Variants in BAIAP2L2 observed in about 807,000 individuals in gnomAD.
BAIAP2L2 encodes the protein BAR/IMD domain-containing adapter protein 2-like 2.
In BAIAP2L2, 65 loss-of-function variants were observed where a neutral mutation model predicts 60.4. The observed-to-expected ratio is 1.08, with a 90% CI of 0.88 to 1.32. BAIAP2L2 has a LOEUF of 1.32. Among genes scored for constraint, BAIAP2L2 ranks in the 40% most tolerant of loss-of-function variants. BAIAP2L2 has a pLI of 0.00. For synonymous variants in BAIAP2L2, 344 were observed against 301.7 expected (o/e 1.14, Z -1.45); for missense variants, 836 against 741.2 (o/e 1.13, Z -1.48).
In BAIAP2L2 at chr22:38,089,687, G is replaced by A; in HGVS notation, c.613-13C>T. On this transcript the variant is annotated splice_polypyrimidine_tract_variant and intron_variant, in intron 7 of 13. Transcript: ENST00000381669. ...GCATCCCCCGGGCCTGGCCGGGCGG[G>A]GACACGGGGGTCAGCCAGGTCCGGG... 8.1e-7 allele frequency: 1 copy of A among 1,229,560 alleles called. No homozygotes were observed. 76.2% of individuals were successfully genotyped at this position (1,229,560 alleles called of 1,614,324 possible). A position where few individuals can be genotyped will look rare whatever the true frequency, so the allele number is the denominator to read the frequency against.
intron 7 of BAIAP2L2, 31 bp from the exon 8 acceptor site, chr22:38,089,705 G>C (rs1336336498): frequency 2.4e-6 from 3 of 1,227,312 alleles, no homozygotes; most frequent in Non-Finnish European, 3.0e-6. Context: ...GGGTCAGCCA[G>C]GTCCGGGCGG....
At chr22:38,091,241 A>G (rs1569220961) in intron 7 of BAIAP2L2, 2 of 152,230 alleles carry the variant, frequency 1.3e-5, no homozygotes, top group Admixed American at 6.5e-5. Flanking sequence ...TATTTTTAGT[A>G]GAGACAGGGT....
chr22:38,084,956 G>A lies in BAIAP2L2; in HGVS notation c.*344C>T, dbSNP rs1166635262. ...TACAAAAGATGTACAGAGAGGGCAT[G>A]TGTTGGGCACGGAGCAGGTACAAGG... On this transcript the variant is annotated 3_prime_UTR_variant, in exon 14 of 14. Transcript: ENST00000381669. 3 of 267,032 alleles carry A rather than the reference G, an allele frequency of 1.1e-5. No individual in the cohort carries two copies. In the East Asian group the frequency reaches 2.7e-4, roughly 24 times the overall value. The allele number at this position is 267,032 out of a possible 1,614,324, so 16.5% of individuals were successfully genotyped here.
chr22:38,090,081 T>G (rs2086246988), intron 7 of BAIAP2L2: 2 of 151,740 alleles, frequency 1.3e-5, no homozygotes, highest in South Asian at 2.2e-4. Context: ...ACTTACCCAG[T>G]AACACTATGG....
intron 7 of BAIAP2L2, chr22:38,091,289 C>T (rs2145966448): frequency 6.6e-6 from 1 of 152,344 alleles, no homozygotes; most frequent in African/African-American, 2.4e-5. Context: ...AAGTCCTCAA[C>T]TCGTGATCCA....
At chr22:38,102,530 A>G (rs1295319953) in intron 4 of BAIAP2L2, among the ~76,000 whole-genome samples, 1 of 152,156 alleles carries the variant, frequency 6.6e-6, no homozygotes, top group East Asian at 1.9e-4. Context: ...ATAGAAAGTT[A>G]TTATTAGAAA....
At chr22:38,104,440 G>T (rs1324765946) in intron 4 of BAIAP2L2, among the ~76,000 whole-genome samples, 1 of 151,650 alleles carries the variant, frequency 6.6e-6, no homozygotes, top group Non-Finnish European at 1.5e-5. Flanking sequence ...CAGACAAAGT[G>T]TAAGGAAAAG....
At position 38,097,170 on chromosome 22, in the gene BAIAP2L2, C is replaced by T; in HGVS notation, c.474G>A (p.Val158=). 1 of 1,613,400 alleles carries T rather than the reference C, an allele frequency of 6.2e-7. No homozygotes were observed. The highest frequency in any genetic ancestry group is 8.5e-7 in the Non-Finnish European group (1 of 1,179,914). ...CCTGCATCTGTGCGTGCAGCCGGTT[C>T]ACACTCTCCTGGGGGGGAACGGGAG... ...DKNVREMKES[V]NRLHAQMQAF... is the part of the protein sequence containing the mutation. The change falls in exon 7 of 14, where the codon GTG becomes GTA. Residue 158 remains valine, a synonymous_variant. Coordinates refer to ENST00000381669, the MANE Select transcript of BAIAP2L2 (RefSeq NM_025045.6).
At chr22:38,101,892 C>T (rs78239176) in intron 4 of BAIAP2L2, among the ~76,000 whole-genome samples, 2 of 150,826 alleles carry the variant, frequency 1.3e-5, no homozygotes, top group East Asian at 3.9e-4. Flanking sequence ...CAAACAAAAC[C>T]ACCAAAAGAA....
At chr22:38,091,425 A>AG (rs1569221097) in intron 7 of BAIAP2L2, 1 of 152,340 alleles carries the variant, frequency 6.6e-6, no homozygotes, top group Non-Finnish European at 1.5e-5. Flanking sequence ...TAAATGCTTG[A>AG]GGGGATGGAT....
chr22:38,108,480 A>C (rs1006060986), intron 2 of BAIAP2L2, 139 bp from the exon 3 acceptor site: 2 of 651,570 alleles, frequency 3.1e-6, no homozygotes, highest in Non-Finnish European at 5.3e-6. Flanking sequence ...GGGTGTGACC[A>C]GTTGAGCTGT....
rs2086701102 is a variant in BAIAP2L2 at position 38,107,981 on chromosome 22, C to T, written c.215-68G>A. 3.7e-6 allele frequency: 5 copies of T among 1,365,600 alleles called. No individual in the cohort carries two copies. In the East Asian group the frequency reaches 1.2e-4, roughly 34 times the overall value. The allele number at this position is 1,365,600 out of a possible 1,614,324, so 84.6% of individuals were successfully genotyped here. ...TGCCCCGCCCACCCACCACCCTCTT[C>T]CGCTGAAAGCCAACAGAGGGCCTGC... is the stretch of plus-strand genomic sequence containing the variant. On this transcript the variant is annotated intron_variant, in intron 3 of 13. Transcript: ENST00000381669.
At chr22:38,095,718 G>A (rs1215188891) in intron 7 of BAIAP2L2, among the ~76,000 whole-genome samples, 5 of 152,058 alleles carry the variant, frequency 3.3e-5, no homozygotes, top group South Asian at 2.1e-4. Context: ...TTGGCGGAGC[G>A]ATGGACTGAA....
chr22:38,105,450 C>T (rs1182050269), intron 4 of BAIAP2L2, among the ~76,000 whole-genome samples: 2 of 151,538 alleles, frequency 1.3e-5, no homozygotes, highest in Non-Finnish European at 2.9e-5. Context: ...AGCGATTCTC[C>T]TGCCTCAGCC....
chr22:38,108,084 C>G (rs925102314), intron 3 of BAIAP2L2, among the ~76,000 whole-genome samples, 171 bp from the exon 4 acceptor site: 2 of 152,208 alleles, frequency 1.3e-5, no homozygotes, highest in African/African-American at 4.8e-5. Flanking sequence ...GTGTCCCAGC[C>G]TGGGAGCAGC....
chr22:38,107,237 G>T (rs949794096), intron 4 of BAIAP2L2, among the ~76,000 whole-genome samples: 4 of 152,116 alleles, frequency 2.6e-5, no homozygotes, highest in Non-Finnish European at 4.4e-5. Context: ...GGGAGTCAGA[G>T]GAGGCTTTGG....
At chr22:38,101,110 T>A (rs1449790953) in intron 4 of BAIAP2L2, among the ~76,000 whole-genome samples, 1 of 152,124 alleles carries the variant, frequency 6.6e-6, no homozygotes, top group Non-Finnish European at 1.5e-5. Context: ...TTCATCTTAT[T>A]GTATGTAAAC....
chr22:38,106,335 A>C (rs1569230678), intron 4 of BAIAP2L2, among the ~76,000 whole-genome samples: 1 of 152,008 alleles, frequency 6.6e-6, no homozygotes, highest in Non-Finnish European at 1.5e-5. Flanking sequence ...CCTGGCCAAC[A>C]TGGTGAAACC....
At chr22:38,093,898 C>T (rs773106182) in intron 7 of BAIAP2L2, 3 of 456,440 alleles carry the variant, frequency 6.6e-6, no homozygotes, top group African/African-American at 6.0e-5. Context: ...TACATGGATG[C>T]TCAGCGCAGC....
Sources: gnomAD v4.1 joint callset for allele counts (sites outside exome capture counted in the v4.1 genomes callset) on GRCh38, gnomAD v4.1.1 for gene constraint, MANE v1.5 for transcripts, NCBI Gene and HGNC (gene_info 2026-07-23, HGNC 2026-07-21) for gene names.